Variants in DCAF8L2 observed in about 807,000 individuals in gnomAD.
The protein encoded by DCAF8L2 is DDB1- and CUL4-associated factor 8-like protein 2.
For missense variants in DCAF8L2, 430 were observed against 490.7 expected (o/e 0.88, Z 1.17); for synonymous variants, 200 against 190.9 (o/e 1.05, Z -0.39).
intron 1 of DCAF8L2, among the ~76,000 whole-genome samples, chrX:27,626,108 A>G (rs2147162706): frequency 8.9e-6 from 1 of 112,221 alleles, no homozygotes; most frequent in South Asian, 3.7e-4. Flanking sequence ...TTCCCTTCAC[A>G]GGAGCTGAAA....
intron 2 of DCAF8L2, among the ~76,000 whole-genome samples, chrX:27,672,262 A>T (rs954651888): frequency 2.7e-5 from 3 of 112,112 alleles, no homozygotes; most frequent in Non-Finnish European, 5.6e-5. Context: ...AAGGTAGTCA[A>T]AGGACTGAGG....
At chrX:27,607,244 C>T (rs1193317878) in intron 1 of DCAF8L2, among the ~76,000 whole-genome samples, 1 of 111,978 alleles carries the variant, frequency 8.9e-6, no homozygotes, top group African/African-American at 3.2e-5. Context: ...GAACACCATA[C>T]AGCAGAATGG....
intron 3 of DCAF8L2, among the ~76,000 whole-genome samples, chrX:27,707,205 T>TGGC (rs1161676090): frequency 9.0e-6 from 1 of 111,572 alleles, no homozygotes; most frequent in East Asian, 2.8e-4. Context: ...ATTGTGGTGA[T>TGGC]GGCTGCACAA....
chrX:27,743,625 C>T (rs1249163437), intron 4 of DCAF8L2, among the ~76,000 whole-genome samples: 1 of 108,606 alleles, frequency 9.2e-6, no homozygotes, highest in African/African-American at 3.4e-5. Flanking sequence ...CAAACTCCGA[C>T]TGCAAGTAAT....
the DCAF8L2 span, among the ~76,000 whole-genome samples, chrX:27,475,142 G>T: frequency 9.0e-6 from 1 of 110,965 alleles, no homozygotes; most frequent in Non-Finnish European, 1.9e-5. Context: ...GGCCAGAGTC[G>T]ATTTTTTCAT....
At position 27,748,219 on chromosome X, in the gene DCAF8L2, A is replaced by G. The variant is rs1922372444; in HGVS notation, c.1324A>G (p.Asn442Asp). ...HDGTELLASY[N>D]DDDIYLFNSS... ...TGGCACAGAGCTGCTAGCCAGCTAC[A>G]ATGATGACGATATTTACCTCTTCAA... The change falls in exon 5 of 5, where the codon AAT (asparagine) becomes GAT (aspartate). Residue 442 changes from asparagine (N) to aspartate (D), a missense_variant. By Grantham distance (23) the Asn-to-Asp change is conservative. Transcript: ENST00000451261. The G allele has an allele frequency of 1.7e-6, 2 of 1,212,054 alleles. No homozygotes were observed. Among genetic ancestry groups the G allele is most frequent in the Non-Finnish European group, 1.1e-6 (1 of 895,543 alleles).
the DCAF8L2 span, among the ~76,000 whole-genome samples, chrX:27,487,733 A>T: frequency 4.6e-3 from 514 of 112,521 alleles, 1 homozygote; most frequent in Non-Finnish European, 8.4e-3. Context: ...CTAATTTTTA[A>T]CAATACTACC....
chrX:27,556,993 T>C, the DCAF8L2 span, among the ~76,000 whole-genome samples: 2 of 112,558 alleles, frequency 1.8e-5, no homozygotes, highest in African/African-American at 6.4e-5. Context: ...TTTCACATAG[T>C]AAATGGCTTT....
chrX:27,610,986 G>A (rs1457724280), intron 1 of DCAF8L2, among the ~76,000 whole-genome samples: 1 of 112,232 alleles, frequency 8.9e-6, no homozygotes, highest in African/African-American at 3.2e-5. Flanking sequence ...GTAACGATTT[G>A]AATTCCTGTG....
chrX:27,620,120 T>C (rs1927685805), intron 1 of DCAF8L2, among the ~76,000 whole-genome samples: 1 of 111,963 alleles, frequency 8.9e-6, no homozygotes, highest in South Asian at 3.7e-4. Flanking sequence ...ATTTCTCATA[T>C]ATACATTGAC....
At chrX:27,727,546 C>T (rs1013220530) in intron 4 of DCAF8L2, among the ~76,000 whole-genome samples, 2 of 111,741 alleles carry the variant, frequency 1.8e-5, no homozygotes, top group Non-Finnish European at 3.8e-5. Context: ...AGCACACTAT[C>T]TTAATCATAA....
intron 1 of DCAF8L2, among the ~76,000 whole-genome samples, chrX:27,605,597 C>A (rs985614621): frequency 1.8e-5 from 2 of 111,366 alleles, no homozygotes; most frequent in Non-Finnish European, 3.8e-5. Flanking sequence ...GAAAGTGCTG[C>A]TCTCATCTAT....
intron 3 of DCAF8L2, among the ~76,000 whole-genome samples, chrX:27,688,572 A>T (rs186405663): frequency 2.1e-3 from 226 of 105,131 alleles, no homozygotes; most frequent in African/African-American, 8.9e-3. Context: ...TTATTCAAAA[A>T]ATAGTAGCTT....
At chrX:27,689,329 C>A (rs755858103) in intron 3 of DCAF8L2, among the ~76,000 whole-genome samples, 18 of 112,338 alleles carry the variant, frequency 1.6e-4, no homozygotes, top group African/African-American at 5.8e-4. Flanking sequence ...CTGCCAACCT[C>A]CGCCTCCCAG....
chrX:27,603,492 TC>T (rs1926742662), intron 1 of DCAF8L2, among the ~76,000 whole-genome samples: 1 of 111,951 alleles, frequency 8.9e-6, no homozygotes, highest in Admixed American at 9.6e-5. Flanking sequence ...ATTATAAAGT[TC>T]AAAATATAAA....
chrX:27,480,257 A>G, the DCAF8L2 span, among the ~76,000 whole-genome samples: 76 of 112,484 alleles, frequency 6.8e-4, no homozygotes, highest in Admixed American at 6.4e-3. Context: ...TAGTAGGAAA[A>G]TGGATATTAA....
chrX:27,511,977 T>C, the DCAF8L2 span, among the ~76,000 whole-genome samples: 4 of 111,905 alleles, frequency 3.6e-5, no homozygotes, highest in African/African-American at 1.3e-4. Context: ...ATATTTACAA[T>C]GAAATCTATA....
chrX:27,546,346 C>A, the DCAF8L2 span, among the ~76,000 whole-genome samples: 1 of 111,983 alleles, frequency 8.9e-6, no homozygotes, highest in Non-Finnish European at 1.9e-5. Context: ...ATCCCAGCTG[C>A]TTATATGGGC....
intron 4 of DCAF8L2, among the ~76,000 whole-genome samples, chrX:27,740,037 A>G (rs1921760685): frequency 1.8e-5 from 2 of 111,093 alleles, no homozygotes; most frequent in African/African-American, 3.3e-5. Flanking sequence ...GGTTTTTGAT[A>G]ACTTCTCTCT....
Sources: gnomAD v4.1 joint callset for allele counts (sites outside exome capture counted in the v4.1 genomes callset) on GRCh38, gnomAD v4.1.1 for gene constraint, MANE v1.5 for transcripts, NCBI Gene and HGNC (gene_info 2026-07-23, HGNC 2026-07-21) for gene names.